NCALD: variants seen among roughly 807,000 people sequenced by gnomAD.
The protein encoded by NCALD is neurocalcin-delta.
Under a neutral mutation model 18.6 loss-of-function variants are expected in NCALD, and 10 were observed. The observed-to-expected ratio is 0.54, with a 90% CI of 0.33 to 0.91. The LOEUF (loss-of-function observed/expected upper bound fraction) is 0.91. Ranked by LOEUF, NCALD falls within the 40% of genes least tolerant of loss-of-function variation. The probability of loss-of-function intolerance (pLI) is 0.03; values close to 1 mark genes in which losing one functional copy is unlikely to be tolerated. For missense variants in NCALD, 184 were observed against 247.6 expected, an observed-to-expected ratio of 0.74 and a Z score of 1.72; for synonymous variants, 88 against 87.4, an observed-to-expected ratio of 1.01 and a Z score of -0.04.
chr8:101,927,038 G>A (rs975077651), intron 2 of NCALD, among the ~76,000 whole-genome samples: 2 of 152,118 alleles, frequency 1.3e-5, no homozygotes, highest in Admixed American at 6.5e-5. Context: ...TTCTCCCGTG[G>A]CTTCCTCCTT....
rs572081857 is a variant in NCALD at position 102,034,265 on chromosome 8, G to C, written c.-209-13976C>G. Reference sequence around the variant, plus strand: ...TGATAAATGAGATTTTGATTAACCTGTAAGGGGAATTAACATCATCAACAT... The same window carrying C: ...TGATAAATGAGATTTTGATTAACCTCTAAGGGGAATTAACATCATCAACAT... On this transcript the variant is annotated intron_variant, in intron 1 of 6. Coordinates refer to the NCALD transcript ENST00000311028. Among the ~76,000 whole-genome samples, 6 of 152,272 alleles carry C rather than the reference G, an allele frequency of 3.9e-5. No homozygotes were observed. In the South Asian group the frequency reaches 1.2e-3, roughly 32 times the overall value.
Position 101,783,688 on chromosome 8 carries a change from C to A in NCALD, c.-20+7174G>T, listed in dbSNP as rs141237275. ...GATGATACGAGTACTGCCATCCACA[C>A]TGCACTCTCCTGCAGGGAGGGTCCC... On this transcript the variant is annotated intron_variant, in intron 1 of 3. Transcript: ENST00000220931. 2.9e-3 allele frequency among the ~76,000 whole-genome samples: 441 copies of A among 152,300 alleles called. 2 individuals are homozygous for A. The highest frequency in any genetic ancestry group is 9.1e-3 in the African/African-American group (379 of 41,562).
chr8:101,878,873 C>T (rs1010688248), intron 4 of NCALD, among the ~76,000 whole-genome samples: 2 of 152,172 alleles, frequency 1.3e-5, no homozygotes, highest in African/African-American at 2.4e-5. Flanking sequence ...TGTTATGCGA[C>T]GGTCAATGCC....
At chr8:101,825,553 T>C (rs1273202701) in intron 4 of NCALD, among the ~76,000 whole-genome samples, 1 of 152,184 alleles carries the variant, frequency 6.6e-6, no homozygotes, top group African/African-American at 2.4e-5. Flanking sequence ...CATTAGGAAT[T>C]GGACAGAAAT....
upstream of NCALD, among the ~76,000 whole-genome samples, chr8:101,791,659 A>G (rs1423888086): frequency 1.3e-5 from 2 of 152,160 alleles, no homozygotes; most frequent in Non-Finnish European, 2.9e-5. Flanking sequence ...CCTGTACTGT[A>G]AAATGTCTAG....
chr8:102,108,909 G>C (rs538904719), intron 1 of NCALD, among the ~76,000 whole-genome samples: 1 of 152,270 alleles, frequency 6.6e-6, no homozygotes, highest in South Asian at 2.1e-4. Context: ...ATAATATAAT[G>C]AACTATCGGA....
intron 1 of NCALD, among the ~76,000 whole-genome samples, chr8:101,748,430 A>G (rs574657659): frequency 6.6e-5 from 10 of 152,304 alleles, no homozygotes; most frequent in East Asian, 3.9e-4. Context: ...TCGTTCATCA[A>G]TCTCACCAGT....
At chr8:101,831,879 G>T (rs759018370) in intron 4 of NCALD, among the ~76,000 whole-genome samples, 1 of 152,194 alleles carries the variant, frequency 6.6e-6, no homozygotes, top group Non-Finnish European at 1.5e-5. Context: ...GCCCCCAGAG[G>T]CATGGAAACT....
chr8:101,776,243 G>T (rs7007814), intron 1 of NCALD, among the ~76,000 whole-genome samples: 273 of 152,278 alleles, frequency 1.8e-3, no homozygotes, highest in African/African-American at 6.4e-3. Flanking sequence ...ACATCCCTGT[G>T]CTTACCTGGG....
intron 3 of NCALD, among the ~76,000 whole-genome samples, chr8:101,888,824 T>A (rs1372880971): frequency 3.3e-5 from 5 of 152,170 alleles, no homozygotes; most frequent in African/African-American, 1.2e-4. Flanking sequence ...TTCCATTTGA[T>A]CTTCTATTTT....
chr8:101,833,610 GTTTT>G (rs555031298), intron 4 of NCALD, among the ~76,000 whole-genome samples: 43 of 88,466 alleles, frequency 4.9e-4, no homozygotes, highest in African/African-American at 1.9e-3. Context: ...TTTGTTTCTT[GTTTT>G]TTTTTTTTTT....
intron 2 of NCALD, among the ~76,000 whole-genome samples, chr8:101,918,461 T>C (rs1818048473): frequency 6.6e-6 from 1 of 151,722 alleles, no homozygotes; most frequent in Admixed American, 6.6e-5. Flanking sequence ...ATTCAATCTA[T>C]TAATAATACT....
chr8:102,081,292 GC>G (rs1424135417), intron 1 of NCALD, among the ~76,000 whole-genome samples: 6 of 152,042 alleles, frequency 3.9e-5, no homozygotes, highest in Non-Finnish European at 4.4e-5. Flanking sequence ...AATATAACCA[GC>G]CTACAACTGG....
At chr8:102,097,901 C>A (rs1239545972) in intron 1 of NCALD, among the ~76,000 whole-genome samples, 1 of 152,208 alleles carries the variant, frequency 6.6e-6, no homozygotes, top group Non-Finnish European at 1.5e-5. Flanking sequence ...CAGCAGCCAA[C>A]ACAAATCACA....
At chr8:101,920,373 T>G (rs1818119421) in intron 2 of NCALD, among the ~76,000 whole-genome samples, 1 of 152,234 alleles carries the variant, frequency 6.6e-6, no homozygotes, top group Non-Finnish European at 1.5e-5. Flanking sequence ...ATCCCATTAC[T>G]GAGTATATAT....
chr8:101,692,566 G>T, intron 3 of NCALD: 1 of 985,412 alleles, frequency 1.0e-6, no homozygotes, highest in Non-Finnish European at 1.2e-6. Context: ...GGAGGTAGAA[G>T]TTGACCTACA....
chr8:101,816,627 C>T (rs1233613742), intron 4 of NCALD, among the ~76,000 whole-genome samples: 2 of 152,136 alleles, frequency 1.3e-5, no homozygotes, highest in Admixed American at 6.6e-5. Flanking sequence ...TGTTTTTCTC[C>T]TGTTGATCTG....
intron 3 of NCALD, among the ~76,000 whole-genome samples, chr8:101,914,065 C>T (rs533073999): frequency 5.8e-4 from 88 of 152,294 alleles, no homozygotes; most frequent in African/African-American, 2.0e-3. Context: ...GTGAACTAAA[C>T]TCCATACTTT....
chr8:101,988,154 C>CAAAA (rs141735735), intron 2 of NCALD, among the ~76,000 whole-genome samples: 71 of 36,066 alleles, frequency 2.0e-3, no homozygotes, highest in Non-Finnish European at 2.4e-3. Flanking sequence ...GACTCCGTCT[C>CAAAA]AAAAAAAAAA....
Sources: gnomAD v4.1 joint callset for allele counts (sites outside exome capture counted in the v4.1 genomes callset) on GRCh38, gnomAD v4.1.1 for gene constraint, MANE v1.5 for transcripts, NCBI Gene and HGNC (gene_info 2026-07-23, HGNC 2026-07-21) for gene names.